Variants in EPM2A observed in about 807,000 individuals in gnomAD.
EPM2A encodes the protein EPM2A glucan phosphatase, laforin.
In EPM2A, 21 loss-of-function variants were observed where a neutral mutation model predicts 26.5. The ratio of observed to expected loss-of-function variants is 0.79; its 90% CI spans 0.56 to 1.14. The LOEUF is 1.14. Among genes scored for constraint, EPM2A ranks in the 50% most tolerant of loss-of-function variants. EPM2A has a pLI of 0.00. For missense variants in EPM2A, 458 were observed against 440.8 expected (o/e 1.04, Z -0.35); for synonymous variants, 217 against 177.6 (o/e 1.22, Z -1.76).
At chr6:145,518,798 C>G (rs748795960) in intron 2 of EPM2A, among the ~76,000 whole-genome samples, 2 of 152,080 alleles carry the variant, frequency 1.3e-5, no homozygotes, top group Non-Finnish European at 2.9e-5. Context: ...TTAGCTAAAG[C>G]CAGAACCCCA....
chr6:145,594,969 A>AT (rs933682575), intron 2 of EPM2A, among the ~76,000 whole-genome samples: 103 of 150,430 alleles, frequency 6.8e-4, no homozygotes, highest in African/African-American at 2.4e-3. Flanking sequence ...TTTTGTCCCA[A>AT]TTTTTTTTTC....
chr6:145,631,908 T>C (rs1174891710), intron 3 of EPM2A: 5 of 151,754 alleles, frequency 3.3e-5, no homozygotes, highest in Non-Finnish European at 7.4e-5. Context: ...CACACTTTCC[T>C]TTCTTACTCC....
intron 2 of EPM2A, chr6:145,639,466 G>GCACAA: frequency 6.6e-6 from 1 of 152,104 alleles, no homozygotes; most frequent in South Asian, 2.1e-4. Context: ...TTGATTTTTG[G>GCACAA]TCTGTTTAGA....
intron 2 of EPM2A, among the ~76,000 whole-genome samples, chr6:145,604,666 G>A (rs1781459305): frequency 6.6e-6 from 1 of 152,124 alleles, no homozygotes; most frequent in African/African-American, 2.4e-5. Context: ...AAACTGTACA[G>A]TAGTTAGTGG....
At chr6:145,732,149 T>A (rs1327902761) in intron 1 of EPM2A, among the ~76,000 whole-genome samples, 2 of 151,452 alleles carry the variant, frequency 1.3e-5, no homozygotes, top group African/African-American at 4.9e-5. Context: ...ACAGTGCAAC[T>A]AACATAGGAG....
intron 2 of EPM2A, among the ~76,000 whole-genome samples, chr6:145,590,673 C>G (rs1434098110): frequency 6.6e-6 from 1 of 152,086 alleles, no homozygotes; most frequent in Non-Finnish European, 1.5e-5. Context: ...GAGACCAGAA[C>G]AAGGACATTA....
At chr6:145,597,304 C>CT (rs994562340) in intron 2 of EPM2A, among the ~76,000 whole-genome samples, 53 of 152,240 alleles carry the variant, frequency 3.5e-4, no homozygotes, top group African/African-American at 1.3e-3. Context: ...TTCTTAGAGA[C>CT]TTTATGATTC....
At chr6:145,664,645 G>A (rs1451248308) in intron 2 of EPM2A, among the ~76,000 whole-genome samples, 5 of 151,966 alleles carry the variant, frequency 3.3e-5, no homozygotes, top group African/African-American at 4.8e-5. Flanking sequence ...ATTGAACTCA[G>A]CTCTGCACCA....
At chr6:145,438,469 A>T (rs1454361082) in intron 4 of EPM2A, among the ~76,000 whole-genome samples, 1 of 117,214 alleles carries the variant, frequency 8.5e-6, no homozygotes, top group Non-Finnish European at 1.7e-5. Context: ...GAAGGGAATA[A>T]TTTTTTTTTT....
intron 4 of EPM2A, among the ~76,000 whole-genome samples, chr6:145,393,990 AT>A (rs1218480761): frequency 6.6e-6 from 1 of 151,682 alleles, no homozygotes; most frequent in Non-Finnish European, 1.5e-5. Flanking sequence ...TACCTGGCTA[AT>A]TTTTTGTATC....
intron 1 of EPM2A, among the ~76,000 whole-genome samples, chr6:145,691,336 T>C (rs1781268350): frequency 6.6e-6 from 1 of 152,134 alleles, no homozygotes; most frequent in Non-Finnish European, 1.5e-5. Context: ...GGAAGTGTCA[T>C]TTTTCAAGTG....
At chr6:145,518,257 T>C (rs1780156413) in intron 2 of EPM2A, among the ~76,000 whole-genome samples, 1 of 152,202 alleles carries the variant, frequency 6.6e-6, no homozygotes, top group African/African-American at 2.4e-5. Flanking sequence ...TTTTATGTTC[T>C]CAGCGAGAAA....
intron 2 of EPM2A, among the ~76,000 whole-genome samples, chr6:145,546,307 G>C (rs1780582432): frequency 6.6e-6 from 1 of 152,104 alleles, no homozygotes; most frequent in African/African-American, 2.4e-5. Flanking sequence ...GAAGAAGATA[G>C]GTAACCCAGC....
intron 2 of EPM2A, among the ~76,000 whole-genome samples, chr6:145,618,933 G>A (rs1330670083): frequency 1.3e-5 from 2 of 152,220 alleles, no homozygotes; most frequent in African/African-American, 2.4e-5. Context: ...AGGATTACAA[G>A]AGGAAGATAA....
chr6:145,421,854 C>T (rs1210993640), intron 4 of EPM2A, among the ~76,000 whole-genome samples: 1 of 150,684 alleles, frequency 6.6e-6, no homozygotes, highest in Non-Finnish European at 1.5e-5. Flanking sequence ...ACATTAAAAT[C>T]AGCTAAAATA....
rs1775896524 is a variant in EPM2A at position 145,627,469 on chromosome 6, C to T, written c.943G>A (p.Glu315Lys). ...IDEEALARAQEDFFQKFGKVR... is the reference protein window; with the variant it reads ...IDEEALARAQKDFFQKFGKVR... ...TTCCCAAATTTCTGGAAAAAATCTT[C>T]TTGTGCCCGGGCCAAGGCCTCTTCG... Residue 315 changes from glutamate (E) to lysine (K), a missense_variant, in exon 4 of 4, where the codon GAA becomes AAA. Transcript: ENST00000367519. 6.2e-7 allele frequency: 1 copy of T among 1,614,264 alleles called. No individual in the cohort carries two copies. The highest frequency in any genetic ancestry group is 1.1e-5 in the South Asian group (1 of 91,088).
intron 3 of EPM2A, among the ~76,000 whole-genome samples, chr6:145,633,551 T>G (rs1293388406): frequency 6.6e-6 from 1 of 152,074 alleles, no homozygotes; most frequent in Non-Finnish European, 1.5e-5. Flanking sequence ...CCATCCCCAA[T>G]GGCAATTCAG....
At chr6:145,617,678 C>A (rs1453589227) in intron 2 of EPM2A, among the ~76,000 whole-genome samples, 2 of 152,174 alleles carry the variant, frequency 1.3e-5, no homozygotes, top group African/African-American at 2.4e-5. Context: ...GTGGCTCATG[C>A]CTGTAATGCC....
At chr6:145,480,687 G>C (rs1237200521) in intron 4 of EPM2A, among the ~76,000 whole-genome samples, 1 of 152,054 alleles carries the variant, frequency 6.6e-6, no homozygotes, top group Non-Finnish European at 1.5e-5. Flanking sequence ...CAAAATGATA[G>C]ACCTTTTAAT....
Sources: gnomAD v4.1 joint callset for allele counts (sites outside exome capture counted in the v4.1 genomes callset) on GRCh38, gnomAD v4.1.1 for gene constraint, MANE v1.5 for transcripts, NCBI Gene and HGNC (gene_info 2026-07-23, HGNC 2026-07-21) for gene names.